Variants in GALNTL5 observed in about 807,000 individuals in gnomAD.
GALNTL5 encodes the protein polypeptide N-acetylgalactosaminyltransferase like 5, also known as inactive polypeptide N-acetylgalactosaminyltransferase-like protein 5.
GALNTL5 carries 44 observed loss-of-function variants against 51.0 expected under a neutral mutation model. That is an observed-to-expected ratio of 0.86 (90% CI 0.68 to 1.11). The LOEUF (loss-of-function observed/expected upper bound fraction) is 1.11, where lower values mean the gene tolerates loss of function less well. Among genes scored for constraint, GALNTL5 ranks in the 50% least tolerant of loss-of-function variants. The pLI is 0.00. For missense variants in GALNTL5, 528 were observed against 531.8 expected, an observed-to-expected ratio of 0.99 and a Z score of 0.07; for synonymous variants, 192 against 182.8, an observed-to-expected ratio of 1.05 and a Z score of -0.41.
intron 3 of GALNTL5, among the ~76,000 whole-genome samples, chr7:151,978,969 A>G (rs4725441): frequency 0.41 from 62,696 of 151,902 alleles, 13,168 homozygotes; most frequent in Middle Eastern, 0.49. Flanking sequence ...GAATTTTGGA[A>G]GACACAATTC....
intron 5 of GALNTL5, among the ~76,000 whole-genome samples, chr7:151,997,250 A>G (rs1249064963): frequency 6.6e-6 from 1 of 152,244 alleles, no homozygotes; most frequent in Non-Finnish European, 1.5e-5. Context: ...CATCACAAGC[A>G]CTAAAGAGAA....
At chr7:151,975,818 C>G (rs2081198338) in intron 3 of GALNTL5, among the ~76,000 whole-genome samples, 1 of 151,750 alleles carries the variant, frequency 6.6e-6, no homozygotes, top group Non-Finnish European at 1.5e-5. Context: ...TTAAAAATTT[C>G]TTCTTTGGCC....
intron 3 of GALNTL5, among the ~76,000 whole-genome samples, chr7:151,978,537 G>A (rs1445300145): frequency 6.6e-6 from 1 of 152,206 alleles, no homozygotes; most frequent in African/African-American, 2.4e-5. Flanking sequence ...AACCCCAGTT[G>A]AGACTGATGC....
chr7:151,983,294 C>T (rs969060261), intron 4 of GALNTL5, 142 bp downstream of exon 4: 3 of 714,934 alleles, frequency 4.2e-6, no homozygotes, highest in Non-Finnish European at 7.3e-6. Context: ...TCTCCTGCCT[C>T]AGCCTCCCGT....
At chr7:151,969,994 G>T (rs1422523717) in intron 2 of GALNTL5, among the ~76,000 whole-genome samples, 3 of 151,710 alleles carry the variant, frequency 2.0e-5, no homozygotes, top group African/African-American at 7.3e-5. Flanking sequence ...GTATTTTTAG[G>T]AGAGACGGGG....
chr7:151,973,864 G>A (rs937079625), intron 3 of GALNTL5, among the ~76,000 whole-genome samples: 2 of 152,114 alleles, frequency 1.3e-5, no homozygotes, highest in African/African-American at 4.8e-5. Flanking sequence ...TCGAGGGAGG[G>A]GCCAGGTGGG....
intron 1 of GALNTL5, among the ~76,000 whole-genome samples, chr7:151,958,772 C>T (rs1032278363): frequency 5.3e-5 from 8 of 152,164 alleles, no homozygotes; most frequent in African/African-American, 1.4e-4. Context: ...CCTTGTCCTG[C>T]GTCCAAGAAG....
At position 151,990,612 on chromosome 7, in the gene GALNTL5, G is replaced by A. The variant is rs1051223265; in HGVS notation, c.658+3331G>A. Among the ~76,000 whole-genome samples, 4 of 145,992 alleles carry A rather than the reference G, an allele frequency of 2.7e-5. No individual in the cohort carries two copies. The Admixed American group carries it at 2.8e-4, about 10-fold the overall frequency. ...AAAAAAGCCCACTTTCTCTTGCTGG[G>A]CACAGGGCTAGACTGAACTTCCTAG... On this transcript the variant is annotated intron_variant, in intron 5 of 8. Coordinates refer to ENST00000392800, the MANE Select transcript of GALNTL5 (RefSeq NM_145292.4).
intron 6 of GALNTL5, among the ~76,000 whole-genome samples, chr7:152,005,377 G>T (rs984666669): frequency 2.0e-5 from 3 of 152,156 alleles, no homozygotes; most frequent in Non-Finnish European, 1.5e-5. Flanking sequence ...GCAGAGCAAG[G>T]CCCTTTCACT....
At chr7:152,005,190 A>G (rs1237827265) in intron 6 of GALNTL5, among the ~76,000 whole-genome samples, 2 of 151,088 alleles carry the variant, frequency 1.3e-5, no homozygotes, top group East Asian at 1.9e-4. Context: ...AATGACGACC[A>G]AAAAAGCTAG....
intron 2 of GALNTL5, among the ~76,000 whole-genome samples, chr7:151,969,965 C>G (rs2081111483): frequency 1.6e-5 from 2 of 122,210 alleles, no homozygotes; most frequent in South Asian, 5.6e-4. Flanking sequence ...AGCCGCCACG[C>G]CTGGCTATTT....
At chr7:151,972,651 G>A (rs1297745953) in intron 3 of GALNTL5, among the ~76,000 whole-genome samples, 1 of 152,152 alleles carries the variant, frequency 6.6e-6, no homozygotes. Flanking sequence ...GGCCAAAAGG[G>A]ACCAAAGTAC....
At chr7:151,999,355 T>C (rs566202557) in intron 5 of GALNTL5, among the ~76,000 whole-genome samples, 9 of 152,328 alleles carry the variant, frequency 5.9e-5, no homozygotes, top group Non-Finnish European at 2.9e-5. Context: ...TTTGTTTGAA[T>C]TCTTTTGGGC....
intron 3 of GALNTL5, among the ~76,000 whole-genome samples, chr7:151,982,014 G>C (rs1465076216): frequency 6.6e-6 from 1 of 151,662 alleles, no homozygotes; most frequent in East Asian, 1.9e-4. Context: ...AAATATTTCA[G>C]TATACAACTA....
intron 1 of GALNTL5, among the ~76,000 whole-genome samples, chr7:151,963,062 G>C (rs539968057): frequency 1.1e-3 from 165 of 152,276 alleles, no homozygotes; most frequent in African/African-American, 3.6e-3. Flanking sequence ...ATTTTGACTA[G>C]ATCAAGAATT....
chr7:151,970,908 C>G (rs751499849), intron 2 of GALNTL5, 37 bp from the exon 3 acceptor site: 3 of 1,542,284 alleles, frequency 1.9e-6, no homozygotes, highest in Admixed American at 1.8e-5. Flanking sequence ...TGCTAGTAAG[C>G]CTTTACTTAT....
chr7:151,970,405 C>T (rs1481368678), intron 2 of GALNTL5, among the ~76,000 whole-genome samples: 1 of 152,176 alleles, frequency 6.6e-6, no homozygotes, highest in Non-Finnish European at 1.5e-5. Context: ...GAATATTTAT[C>T]CCTCCATGTC....
intron 1 of GALNTL5, among the ~76,000 whole-genome samples, chr7:151,957,231 A>G (rs2080936716): frequency 6.6e-6 from 1 of 151,782 alleles, no homozygotes; most frequent in African/African-American, 2.4e-5. Context: ...TGTTTTCCTG[A>G]TTCAATAGAC....
intron 1 of GALNTL5, among the ~76,000 whole-genome samples, chr7:151,963,010 C>T (rs528247152): frequency 4.3e-4 from 65 of 152,254 alleles, no homozygotes; most frequent in African/African-American, 1.5e-3. Flanking sequence ...GAGCCCTTTA[C>T]ATAGCTGAAA....
Sources: gnomAD v4.1 joint callset for allele counts (sites outside exome capture counted in the v4.1 genomes callset) on GRCh38, gnomAD v4.1.1 for gene constraint, MANE v1.5 for transcripts, NCBI Gene and HGNC (gene_info 2026-07-23, HGNC 2026-07-21) for gene names.